Variants in PMEPA1 observed in about 807,000 individuals in gnomAD.
PMEPA1 encodes prostate transmembrane protein, androgen induced 1.
A neutral mutation model predicts 23.0 loss-of-function variants in PMEPA1; 11 were observed. The observed-to-expected ratio is 0.48, with a 90% confidence interval of 0.30 to 0.79. The LOEUF is 0.79. Ranked by LOEUF, PMEPA1 falls within the 30% of genes least tolerant of loss-of-function variation. The pLI is 0.06. For synonymous variants in PMEPA1, 204 were observed against 166.4 expected (o/e 1.23, Z -1.74); for missense variants, 377 against 390.9 (o/e 0.96, Z 0.30).
chr20:57,699,307 C>A (rs1202972333), intron 1 of PMEPA1, among the ~76,000 whole-genome samples: 2 of 152,254 alleles, frequency 1.3e-5, no homozygotes, highest in Non-Finnish European at 2.9e-5. Flanking sequence ...TTACCATCGG[C>A]ACCAACACTC....
chr20:57,680,738 G>A (rs2071701202), intron 1 of PMEPA1, among the ~76,000 whole-genome samples: 2 of 152,248 alleles, frequency 1.3e-5, no homozygotes, highest in East Asian at 3.8e-4. Flanking sequence ...AAACGCTTAG[G>A]AAAGGGCAGT....
At position 57,695,498 on chromosome 20, in the gene PMEPA1, C is replaced by T. The variant is rs879447230; in HGVS notation, c.109+13976G>A. Among the ~76,000 whole-genome samples, 11 of 152,256 alleles carry T rather than the reference C, an allele frequency of 7.2e-5. 1 individual carries two copies. The highest frequency in any genetic ancestry group is 5.2e-4 in the Admixed American group (8 of 15,288). ...TTGGCCCTTTCACAATCCGTCTGCCCTGCTTAAAACTGCAGGCCTGGCCCG... is the reference window on the plus strand; with the variant it reads ...TTGGCCCTTTCACAATCCGTCTGCCTTGCTTAAAACTGCAGGCCTGGCCCG... On this transcript the variant is annotated intron_variant, in intron 1 of 3. Transcript: ENST00000341744.
rs369161152 is a variant in PMEPA1 at position 57,662,459 on chromosome 20, C to T, written c.110-2762G>A. On this transcript the variant is annotated intron_variant, in intron 1 of 3. Coordinates refer to ENST00000341744, the MANE Select transcript of PMEPA1 (RefSeq NM_020182.5). ...GCTTTCCCAAGCCCCGAGAAGGCTT[C>T]GGCCCTGCCTGCTGGGAACTCAGGC... 2.6e-5 allele frequency among the ~76,000 whole-genome samples: 4 copies of T among 152,326 alleles called. No homozygotes were observed. In the South Asian group the frequency reaches 6.2e-4, roughly 24 times the overall value.
chr20:57,702,453 T>C (rs1008511419), intron 1 of PMEPA1, among the ~76,000 whole-genome samples: 1 of 152,188 alleles, frequency 6.6e-6, no homozygotes, highest in Non-Finnish European at 1.5e-5. Context: ...AGCCGGTGTC[T>C]TGCCAGAGCA....
At chr20:57,675,216 C>T (rs1192350277) in intron 1 of PMEPA1, among the ~76,000 whole-genome samples, 1 of 151,686 alleles carries the variant, frequency 6.6e-6, no homozygotes, top group Non-Finnish European at 1.5e-5. Context: ...GCCAGACTTT[C>T]CCTGTGCCTG....
intron 1 of PMEPA1, among the ~76,000 whole-genome samples, chr20:57,684,308 A>T (rs540234744): frequency 1.3e-5 from 2 of 151,850 alleles, no homozygotes; most frequent in South Asian, 4.2e-4. Context: ...GGAGGGGGGC[A>T]GGGTGACTTC....
At chr20:57,688,423 G>T (rs2071830720) in intron 1 of PMEPA1, among the ~76,000 whole-genome samples, 1 of 152,120 alleles carries the variant, frequency 6.6e-6, no homozygotes, top group Non-Finnish European at 1.5e-5. Context: ...CGCCTACGGG[G>T]TAGGCACTTC....
chr20:57,664,250 C>T (rs555561580), intron 1 of PMEPA1, among the ~76,000 whole-genome samples: 8 of 152,318 alleles, frequency 5.3e-5, no homozygotes, highest in East Asian at 1.9e-4. Context: ...GGGACAGCCA[C>T]GCCCTGACAC....
Position 57,682,029 on chromosome 20 carries a change from C to T in PMEPA1, c.110-22332G>A, listed in dbSNP as rs140973185. On this transcript the variant is annotated intron_variant, in intron 1 of 3. Transcript: ENST00000341744. This position sits in a 1 kb window ranked among gnomAD's most constrained non-coding sequence, Gnocchi z 4.4. The stretch of plus-strand genomic sequence containing the variant: ...TCCGTTCAGTATCTGACTCTGTTTC[C>T]CATCTGCACCAGACTAGTAGCTCCC... 1.8e-4 allele frequency among the ~76,000 whole-genome samples: 28 copies of T among 152,314 alleles called. No homozygotes were observed. Among genetic ancestry groups the T allele is most frequent in the Admixed American group, 1.4e-3 (21 of 15,296 alleles).
intron 2 of PMEPA1, among the ~76,000 whole-genome samples, chr20:57,654,533 C>G (rs117919263): frequency 0.02 from 3,101 of 152,294 alleles, 54 homozygotes; most frequent in Non-Finnish European, 0.031. Flanking sequence ...ACTGCCTCGT[C>G]TCCTGATTTA....
chr20:57,685,324 C>G (rs1234866204), intron 1 of PMEPA1, among the ~76,000 whole-genome samples: 2 of 152,182 alleles, frequency 1.3e-5, no homozygotes, highest in Non-Finnish European at 2.9e-5. Flanking sequence ...GGGCCGAAAA[C>G]AGTTTATGAG....
chr20:57,689,174 G>A (rs2071842290), intron 1 of PMEPA1, among the ~76,000 whole-genome samples: 1 of 152,200 alleles, frequency 6.6e-6, no homozygotes, highest in African/African-American at 2.4e-5. Context: ...GGTAGGGCTG[G>A]TCACTCGCTG....
intron 1 of PMEPA1, among the ~76,000 whole-genome samples, chr20:57,706,122 C>T (rs1441739725): frequency 6.6e-6 from 1 of 152,204 alleles, no homozygotes; most frequent in Non-Finnish European, 1.5e-5. Context: ...ACAGCTGCCA[C>T]CGTAGATACC....
At position 57,672,607 on chromosome 20, in the gene PMEPA1, T is replaced by C. The variant is rs943841812; in HGVS notation, c.110-12910A>G. On this transcript the variant is annotated intron_variant, in intron 1 of 3. Coordinates refer to ENST00000341744, the MANE Select transcript of PMEPA1 (RefSeq NM_020182.5). ...TCGCCGCTAACCCGGGGTGGCTCTG[T>C]CTTTCGGGAGCAAGAGGGGCCCAGC... 3.3e-5 allele frequency among the ~76,000 whole-genome samples: 5 copies of C among 152,148 alleles called. 1 individual carries two copies. Among genetic ancestry groups the C allele is most frequent in the Admixed American group, 3.3e-4 (5 of 15,272 alleles).
rs1472680439 is a variant in PMEPA1 at position 57,656,381 on chromosome 20, G to C, written c.264+3162C>G. On this transcript the variant is annotated intron_variant, in intron 2 of 3. Transcript: ENST00000341744. The surrounding 1 kb of genome is among the most constrained non-coding windows in gnomAD (Gnocchi z 4.7). ...GGGCTGGGTTCTCTCGGGAGCAGGAGACCCACACTGAGGACTGATTGGGGG... is the reference window on the plus strand; with the variant it reads ...GGGCTGGGTTCTCTCGGGAGCAGGACACCCACACTGAGGACTGATTGGGGG... Among the ~76,000 whole-genome samples the C allele has an allele frequency of 6.6e-6, 1 of 151,792 alleles. No homozygotes were observed.
At chr20:57,658,252 A>G (rs1341145845) in intron 2 of PMEPA1, among the ~76,000 whole-genome samples, 1 of 152,208 alleles carries the variant, frequency 6.6e-6, no homozygotes, top group Non-Finnish European at 1.5e-5. Context: ...ATCAACACCC[A>G]GGACTGTAAT....
chr20:57,660,248 G>A (rs954060168), intron 1 of PMEPA1, among the ~76,000 whole-genome samples: 3 of 151,990 alleles, frequency 2.0e-5, no homozygotes, highest in African/African-American at 4.8e-5. Context: ...ATTAAACAAA[G>A]AGGAGCTACA....
intron 1 of PMEPA1, among the ~76,000 whole-genome samples, chr20:57,687,188 G>A (rs1460388577): frequency 6.6e-6 from 1 of 152,268 alleles, no homozygotes; most frequent in Non-Finnish European, 1.5e-5. Context: ...AGTTCAAGAT[G>A]TGGAGCAATG....
At chr20:57,654,342 C>T (rs2071295806) in intron 2 of PMEPA1, among the ~76,000 whole-genome samples, 1 of 152,118 alleles carries the variant, frequency 6.6e-6, no homozygotes, top group African/African-American at 2.4e-5. Flanking sequence ...ATGAGTATGT[C>T]CATCACCTCA....
Sources: gnomAD v4.1 joint callset for allele counts (sites outside exome capture counted in the v4.1 genomes callset) on GRCh38, gnomAD v4.1.1 for gene constraint, Gnocchi (gnomAD v3.1) non-coding constraint, MANE v1.5 for transcripts, NCBI Gene and HGNC (gene_info 2026-07-23, HGNC 2026-07-21) for gene names.